The following HYDIN variants were observed in gnomAD, a reference collection of about 807,000 sequenced individuals.
HYDIN encodes HYDIN axonemal central pair apparatus protein.
HYDIN carries 132 observed loss-of-function variants against 403.9 expected under a neutral mutation model. The ratio of observed to expected loss-of-function variants is 0.33; its 90% CI spans 0.28 to 0.38. HYDIN has a LOEUF of 0.38. Ranked by LOEUF, HYDIN falls within the 10% of genes least tolerant of loss-of-function variation. HYDIN has a pLI of 1.00. For missense variants in HYDIN, 2,827 were observed against 5,009.5 expected (o/e 0.56, Z 13.15); for synonymous variants, 1,202 against 1,891.7 (o/e 0.64, Z 9.46).
chr16:71,212,226 A>G (rs910766809), intron 1 of HYDIN, among the ~76,000 whole-genome samples: 2 of 152,236 alleles, frequency 1.3e-5, no homozygotes, highest in African/African-American at 4.8e-5. Context: ...GGCTGTGATA[A>G]CAGTATTGTG....
At chr16:71,203,601 C>T (rs2088136822) in intron 1 of HYDIN, 1 of 392,082 alleles carries the variant, frequency 2.6e-6, no homozygotes, top group African/African-American at 2.1e-5. Context: ...CTTTACAATG[C>T]CTGGAAATTC....
chr16:70,839,257 T>C (rs1437679369), intron 76 of HYDIN, among the ~76,000 whole-genome samples: 2 of 129,958 alleles, frequency 1.5e-5, no homozygotes, highest in Non-Finnish European at 3.0e-5. Flanking sequence ...ATGACTACCA[T>C]TTCAGGCAAG....
rs1597250366 is a variant in HYDIN at position 70,895,862 on chromosome 16, A to C, written c.9148+119T>G. 9.2e-6 allele frequency: 13 copies of C among 1,416,592 alleles called. No individual in the cohort carries two copies. The East Asian group carries it at 1.6e-4, about 18-fold the overall frequency. The allele number at this position is 1,416,592 out of a possible 1,614,324, so 87.8% of individuals were successfully genotyped here. On this transcript the variant is annotated intron_variant, in intron 54 of 85. Transcript: ENST00000393567. ...CTGGGGCTCACATTATTATTTATTA[A>C]AATTGCCCCATGCCCAATCCCTGCA...
In HYDIN at chr16:70,862,210, C is replaced by T. The variant is rs1357509075; in HGVS notation, c.11615G>A (p.Gly3872Asp). 2 of 1,613,690 alleles carry T rather than the reference C, an allele frequency of 1.2e-6. No individual in the cohort carries two copies. Among genetic ancestry groups the T allele is most frequent in the East Asian group, 4.5e-5 (2 of 44,860 alleles). Reference sequence around the variant, plus strand: ...GTCCATGGTGCTGTCCAGGGTGCTGCCTGTATGCATCGTGCCCTGACTAAG... The same window carrying T: ...GTCCATGGTGCTGTCCAGGGTGCTGTCTGTATGCATCGTGCCCTGACTAAG... Reference protein sequence around the residue: ...DQLSQGTMHTGSTLDSTMDHW... With the variant: ...DQLSQGTMHTDSTLDSTMDHW... Residue 3872 changes from glycine to aspartate, a missense_variant, in exon 69 of 86, where the codon GGC (glycine) becomes GAC (aspartate). Transcript: ENST00000393567.
chr16:70,955,354 C>G, intron 40 of HYDIN, 21 bp downstream of exon 40: 2 of 1,545,218 alleles, frequency 1.3e-6, no homozygotes, highest in Non-Finnish European at 1.7e-6. Flanking sequence ...ACCACAAAAA[C>G]CCAAGAGAAT....
intron 18 of HYDIN, among the ~76,000 whole-genome samples, chr16:71,035,736 T>A (rs1447432432): frequency 6.6e-6 from 1 of 152,222 alleles, no homozygotes; most frequent in Admixed American, 6.5e-5. Flanking sequence ...GAATTCCAAT[T>A]GGTGACAGGT....
At chr16:70,914,298 A>G (rs554937804) in intron 47 of HYDIN, among the ~76,000 whole-genome samples, 1 of 152,140 alleles carries the variant, frequency 6.6e-6, no homozygotes, top group Admixed American at 6.6e-5. Context: ...CAAGATTTAG[A>G]GCTCCTTTTA....
intron 1 of HYDIN, among the ~76,000 whole-genome samples, chr16:71,228,893 C>G (rs1189424882): frequency 6.6e-6 from 1 of 152,112 alleles, no homozygotes; most frequent in African/African-American, 2.4e-5. Flanking sequence ...ATAGCAAAGA[C>G]TTGGAACCAA....
At position 70,900,996 on chromosome 16, in the gene HYDIN, A is replaced by T; in HGVS notation, c.9048+8T>A. The stretch of plus-strand genomic sequence containing the variant: ...GATAACCAAGTCTGTGGATGTGTGA[A>T]GCCTCACCTCCAACCGAATAGCCTT... On this transcript the variant is annotated splice_region_variant and intron_variant, in intron 53 of 85. Coordinates refer to ENST00000393567, the MANE Select transcript of HYDIN (RefSeq NM_001270974.2). 1 of 593,174 alleles carries T rather than the reference A, an allele frequency of 1.7e-6. No homozygotes were observed. The highest frequency in any genetic ancestry group is 3.0e-6 in the Non-Finnish European group (1 of 337,460). 36.7% of individuals were successfully genotyped at this position (593,174 alleles called of 1,614,324 possible).
intron 67 of HYDIN, among the ~76,000 whole-genome samples, chr16:70,863,676 G>C (rs1182055446): frequency 1.3e-5 from 2 of 152,198 alleles, no homozygotes; most frequent in East Asian, 3.9e-4. Context: ...AAGAATTTGA[G>C]ACCAGCCTGG....
intron 13 of HYDIN, among the ~76,000 whole-genome samples, chr16:71,073,995 C>T (rs995058194): frequency 3.3e-5 from 5 of 152,164 alleles, no homozygotes; most frequent in African/African-American, 1.2e-4. Flanking sequence ...ATCTCAACAT[C>T]ATCAATTCCA....
At position 70,807,753 on chromosome 16, in the gene HYDIN, C is replaced by T. The variant is rs150781332; in HGVS notation, c.15193G>A (p.Ala5065Thr). 1.5e-4 allele frequency: 236 copies of T among 1,614,126 alleles called. 1 individual carries two copies. In the African/African-American group the frequency reaches 2.1e-3, roughly 15 times the overall value. The change falls in exon 86 of 86, where the codon GCT becomes ACT. Residue 5065 changes from alanine to threonine, a missense_variant. Transcript: ENST00000393567. The part of the protein sequence containing the change: ...IVDNPAFTIR[A>T]GESVRPKKIN... ...TTCTTGGGCCGCACAGACTCTCCAG[C>T]GCGAATGGTGAAGGCTGGGTTATCC...
intron 60 of HYDIN, 67 bp downstream of exon 60, chr16:70,882,593 T>C (rs1016508748): frequency 1.1e-6 from 1 of 912,902 alleles, no homozygotes; most frequent in African/African-American, 1.6e-5. Flanking sequence ...GAGCAGAGGA[T>C]GCTGAGAGCC....
At chr16:71,023,045 T>C (rs2080555473) in intron 21 of HYDIN, among the ~76,000 whole-genome samples, 1 of 152,100 alleles carries the variant, frequency 6.6e-6, no homozygotes, top group Admixed American at 6.6e-5. Flanking sequence ...ATTCAATAAA[T>C]ATTCACTGAG....
chr16:70,955,847 C>A (rs1272828257), intron 39 of HYDIN, among the ~76,000 whole-genome samples: 1 of 152,030 alleles, frequency 6.6e-6, no homozygotes, highest in Non-Finnish European at 1.5e-5. Flanking sequence ...GAGATGGAGT[C>A]TCACTCTGTC....
intron 5 of HYDIN, among the ~76,000 whole-genome samples, chr16:71,163,064 G>A (rs1233615780): frequency 6.6e-6 from 1 of 151,770 alleles, no homozygotes; most frequent in Admixed American, 6.6e-5. Flanking sequence ...AGTTCCCTCA[G>A]GTCCTCCTTC....
intron 27 of HYDIN, among the ~76,000 whole-genome samples, chr16:70,987,237 A>C (rs2079218257): frequency 6.7e-6 from 1 of 149,132 alleles, no homozygotes; most frequent in Non-Finnish European, 1.5e-5. Context: ...GTAAAACCGG[A>C]ATACAAAGAG....
chr16:70,951,305 A>AGAGAG (rs1567892563), intron 41 of HYDIN, among the ~76,000 whole-genome samples: 10 of 151,758 alleles, frequency 6.6e-5, no homozygotes, highest in African/African-American at 1.9e-4. Context: ...AGAGAGAGAG[A>AGAGAG]AACTTCACAA....
intron 13 of HYDIN, among the ~76,000 whole-genome samples, chr16:71,071,365 A>G (rs1288990017): frequency 6.6e-6 from 1 of 152,072 alleles, no homozygotes; most frequent in Non-Finnish European, 1.5e-5. Flanking sequence ...GTCATTAATA[A>G]GAATGTTACT....
Sources: gnomAD v4.1 joint callset for allele counts (sites outside exome capture counted in the v4.1 genomes callset) on GRCh38, gnomAD v4.1.1 for gene constraint, MANE v1.5 for transcripts, NCBI Gene and HGNC (gene_info 2026-07-23, HGNC 2026-07-21) for gene names.